LLGL2: variants seen among roughly 807,000 people sequenced by gnomAD.
The protein encoded by LLGL2 is LLGL2, scribble cell polarity complex component.
In LLGL2, 81 loss-of-function variants were observed where a neutral mutation model predicts 123.2. The ratio of observed to expected loss-of-function variants is 0.66; its 90% confidence interval spans 0.55 to 0.79. The LOEUF (loss-of-function observed/expected upper bound fraction) is 0.79, where lower values mean the gene tolerates loss of function less well. Ranked by LOEUF, LLGL2 falls within the 30% of genes least tolerant of loss-of-function variation. The probability of loss-of-function intolerance (pLI) is 0.00; values close to 1 mark genes in which losing one functional copy is unlikely to be tolerated. For synonymous variants in LLGL2, 577 were observed against 594.1 expected (o/e 0.97, Z 0.42); for missense variants, 1,273 against 1,414.6 (o/e 0.90, Z 1.61).
rs2055883104 is a variant in LLGL2, at chr17:75,574,489, ACCG to A, written c.2992_2994del (p.Arg998del). On this transcript the variant is annotated inframe_deletion, in exon 24 of 26. Coordinates refer to ENST00000392550, the MANE Select transcript of LLGL2 (RefSeq NM_001031803.2). ...GAAATCCAGAGCACACTGGAGGGAG[ACCG>A]CGGGTGAGGCACCGCCCAGGCCAGC... 1 of 1,556,314 alleles carries A rather than the reference ACCG, an allele frequency of 6.4e-7. No individual in the cohort carries two copies. Among genetic ancestry groups the A allele is most frequent in the East Asian group, 2.4e-5 (1 of 41,468 alleles).
chr17:75,551,546 G>C (rs959346638), intron 2 of LLGL2, among the ~76,000 whole-genome samples: 5 of 152,142 alleles, frequency 3.3e-5, no homozygotes, highest in African/African-American at 1.2e-4. Context: ...GAATGAATGC[G>C]GGTGGTTGAA....
chr17:75,569,772 C>T (rs2055612059), intron 14 of LLGL2, among the ~76,000 whole-genome samples, 191 bp from the exon 15 acceptor site: 1 of 150,536 alleles, frequency 6.6e-6, no homozygotes, highest in Admixed American at 6.6e-5. Flanking sequence ...CACTGCGCTC[C>T]AGCCTGGGCA....
intron 3 of LLGL2, among the ~76,000 whole-genome samples, chr17:75,557,629 G>C (rs889717088): frequency 8.5e-5 from 13 of 152,188 alleles, no homozygotes; most frequent in African/African-American, 2.9e-4. Context: ...GAGGGGTATG[G>C]AGCACTCGAG....
At chr17:75,552,463 G>A (rs752794492) in intron 2 of LLGL2, among the ~76,000 whole-genome samples, 7 of 152,180 alleles carry the variant, frequency 4.6e-5, no homozygotes, top group Non-Finnish European at 8.8e-5. Flanking sequence ...CACTCCAGGC[G>A]TGACAGGCGT....
At chr17:75,573,772 C>A (rs1264398637) in intron 21 of LLGL2, 141 bp downstream of exon 21, 2 of 1,213,178 alleles carry the variant, frequency 1.6e-6, no homozygotes, top group Non-Finnish European at 2.3e-6. Context: ...GCTCTCCTTG[C>A]CTCTTTGCGT....
chr17:75,538,677 A>G (rs1426455266), intron 1 of LLGL2: 1 of 152,210 alleles, frequency 6.6e-6, no homozygotes, highest in Non-Finnish European at 1.5e-5. Flanking sequence ...CAGTGTGTCC[A>G]AACGTGGCCA....
chr17:75,542,246 C>T (rs1340667688), intron 1 of LLGL2, among the ~76,000 whole-genome samples: 1 of 151,978 alleles, frequency 6.6e-6, no homozygotes, highest in East Asian at 1.9e-4. Flanking sequence ...ACCTTCTTCT[C>T]GAAGGTATCT....
intron 1 of LLGL2, among the ~76,000 whole-genome samples, chr17:75,529,515 C>G (rs1430744836): frequency 6.6e-6 from 1 of 151,890 alleles, no homozygotes; most frequent in Non-Finnish European, 1.5e-5. Flanking sequence ...CCTGCCAGTC[C>G]TTTTATCTTC....
Position 75,575,070 on chromosome 17 carries a change from C to A in LLGL2, c.*192C>A. ...GTCCCCTGGGCTGCCCTTCCCGGGC[C>A]TCGTCTGTCTGGGTCCTTTGGTCAA... is the stretch of plus-strand genomic sequence containing the variant. On this transcript the variant is annotated 3_prime_UTR_variant, in exon 26 of 26. Coordinates refer to ENST00000392550, the MANE Select transcript of LLGL2 (RefSeq NM_001031803.2). 1 of 719,356 alleles carries A rather than the reference C, an allele frequency of 1.4e-6. No individual in the cohort carries two copies. The highest frequency in any genetic ancestry group is 2.6e-5 in the East Asian group (1 of 38,096). The allele number at this position is 719,356 out of a possible 1,614,324, so 44.6% of individuals were successfully genotyped here.
Position 75,570,034 on chromosome 17 carries a change from G to T in LLGL2, c.1653G>T (p.Gln551His). 1.2e-6 allele frequency: 2 copies of T among 1,612,556 alleles called. No individual in the cohort carries two copies. The highest frequency in any genetic ancestry group is 1.7e-6 in the Non-Finnish European group (2 of 1,179,706). ...AVEQVEADLL[Q>H]DQEGYRWKGH... Reference sequence around the variant, plus strand: ...AGCAGGTGGAGGCCGACCTGCTGCAGGACCAAGAGGGCTACCGCTGGAAGG... The same window carrying T: ...AGCAGGTGGAGGCCGACCTGCTGCATGACCAAGAGGGCTACCGCTGGAAGG... Residue 551 changes from glutamine (Q) to histidine (H), a missense_variant, in exon 15 of 26, where the codon CAG (glutamine) becomes CAT (histidine). By Grantham distance (24) the Gln-to-His change is conservative. Transcript: ENST00000392550.
At chr17:75,560,468 T>C (rs1184916334) in intron 6 of LLGL2, among the ~76,000 whole-genome samples, 1 of 152,044 alleles carries the variant, frequency 6.6e-6, no homozygotes, top group African/African-American at 2.4e-5. Context: ...TGCCAGTTTA[T>C]TTATATTATA....
rs769772644 is a variant in LLGL2 at position 75,564,480 on chromosome 17, G to C, written c.1009G>C (p.Val337Leu). The C allele has an allele frequency of 6.0e-5, 96 of 1,613,106 alleles. No homozygotes were observed. Among genetic ancestry groups the C allele is most frequent in the Non-Finnish European group, 7.5e-5 (88 of 1,180,014 alleles). Residue 337 changes from valine (V) to leucine (L), a missense_variant, in exon 10 of 26, where the codon GTC (valine) becomes CTC (leucine). By Grantham distance (32) the Val-to-Leu change is conservative (BLOSUM62 1). Transcript: ENST00000392550. The surrounding 1 kb of genome is among the most constrained non-coding windows in gnomAD (Gnocchi z 4.9). ...CACCTCCCGTGTCATCGGCTTCACTGTCCTCACAGAGGCAGACCCTGCAGC... is the reference window on the plus strand; with the variant it reads ...CACCTCCCGTGTCATCGGCTTCACTCTCCTCACAGAGGCAGACCCTGCAGC... The part of the protein sequence containing the change: ...DFTSRVIGFT[V>L]LTEADPAATF...
At chr17:75,567,218 C>T (rs917492520) in intron 10 of LLGL2, among the ~76,000 whole-genome samples, 73 of 152,318 alleles carry the variant, frequency 4.8e-4, no homozygotes, top group Middle Eastern at 3.4e-3. Context: ...AATCCTAGCA[C>T]TTTGGGAGGC....
At chr17:75,565,052 C>G (rs1598615607) in intron 10 of LLGL2, among the ~76,000 whole-genome samples, 1 of 152,320 alleles carries the variant, frequency 6.6e-6, no homozygotes, top group Non-Finnish European at 1.5e-5. Context: ...GCTCTCTGCC[C>G]TTTCCAGACT....
At chr17:75,550,150 C>T (rs756206946) in intron 2 of LLGL2, among the ~76,000 whole-genome samples, 8 of 152,198 alleles carry the variant, frequency 5.3e-5, no homozygotes, top group African/African-American at 1.2e-4. Flanking sequence ...CCTAGAATAG[C>T]TGGGGAGGGC....
At chr17:75,552,547 T>C (rs1336121283) in intron 2 of LLGL2, among the ~76,000 whole-genome samples, 1 of 152,248 alleles carries the variant, frequency 6.6e-6, no homozygotes, top group African/African-American at 2.4e-5. Context: ...TGTGATTAAC[T>C]ACTAATGAGA....
rs1486701407 is a variant in LLGL2 at position 75,543,481 on chromosome 17, G to A, written c.55G>A (p.Asp19Asn). The change falls in exon 2 of 26, where the codon GAC (aspartate) becomes AAC (asparagine). Residue 19 changes from aspartate (D) to asparagine (N), a missense_variant. By Grantham distance (23) the Asp-to-Asn change is conservative (BLOSUM62 1). Transcript: ENST00000392550. ...CCCTGTGCGGGAGAGGCTCAAGCGG[G>A]ACCTGTTCCAGTTTAACAAGGTAAG... ...HDPVRERLKR[D>N]LFQFNKTVEH... 6 of 1,611,850 alleles carry A rather than the reference G, an allele frequency of 3.7e-6. No homozygotes were observed. The highest frequency in any genetic ancestry group is 5.1e-6 in the Non-Finnish European group (6 of 1,178,820).
upstream of LLGL2, chr17:75,525,023 G>T (rs971849504): frequency 4.4e-5 from 7 of 157,776 alleles, no homozygotes; most frequent in African/African-American, 1.4e-4. This position sits in a 1 kb window ranked among gnomAD's most constrained non-coding sequence, Gnocchi z 4.8. Context: ...TGCGGGTGGC[G>T]AGAGGCGCCA....
In LLGL2 at chr17:75,556,038, C is replaced by G. The variant is rs766814727; in HGVS notation, c.76-8C>G. 6.8e-6 allele frequency: 11 copies of G among 1,606,804 alleles called. No homozygotes were observed. The Admixed American group carries it at 1.7e-4, about 24-fold the overall frequency. Reference sequence around the variant, plus strand: ...CTGCAGGCCCACCCCACGTGCTTCTCGTTGCAGACGGTGGAGCATGGCTTC... The same window carrying G: ...CTGCAGGCCCACCCCACGTGCTTCTGGTTGCAGACGGTGGAGCATGGCTTC... On this transcript the variant is annotated splice_region_variant and splice_polypyrimidine_tract_variant and intron_variant, in intron 2 of 25. Coordinates refer to ENST00000392550, the MANE Select transcript of LLGL2 (RefSeq NM_001031803.2).
Sources: allele counts gnomAD v4.1 joint callset (sites outside exome capture counted in the v4.1 genomes callset), GRCh38; gene constraint gnomAD v4.1.1; non-coding constraint Gnocchi (gnomAD v3.1); transcripts MANE v1.5; gene names NCBI Gene and HGNC (gene_info 2026-07-23, HGNC 2026-07-21).